Variants in B3GALT1 observed in about 807,000 individuals in gnomAD.
B3GALT1 encodes the protein beta-1,3-galactosyltransferase 1.
B3GALT1 carries 10 observed loss-of-function variants against 23.2 expected under a neutral mutation model. The ratio of observed to expected loss-of-function variants is 0.43; its 90% CI spans 0.27 to 0.73. B3GALT1 has a LOEUF of 0.73. Ranked by LOEUF, B3GALT1 falls within the 30% of genes least tolerant of loss-of-function variation. The pLI is 0.21. For synonymous variants in B3GALT1, 156 were observed against 141.5 expected, an observed-to-expected ratio of 1.10 and a Z score of -0.73; for missense variants, 299 against 405.4, an observed-to-expected ratio of 0.74 and a Z score of 2.25.
intron 1 of B3GALT1, among the ~76,000 whole-genome samples, chr2:167,467,880 G>T (rs1559106442): frequency 6.6e-6 from 1 of 152,162 alleles, no homozygotes; most frequent in Non-Finnish European, 1.5e-5. Context: ...GCGTGTGCCA[G>T]ACACTGTTTA....
chr2:167,346,358 T>C (rs1162902018), intron 1 of B3GALT1, among the ~76,000 whole-genome samples: 2 of 152,302 alleles, frequency 1.3e-5, no homozygotes, highest in African/African-American at 4.8e-5. Flanking sequence ...TGTATATCTA[T>C]TTACAGTATA....
chr2:167,531,358 G>A (rs1319004913), intron 2 of B3GALT1, among the ~76,000 whole-genome samples: 4 of 152,034 alleles, frequency 2.6e-5, no homozygotes, highest in East Asian at 1.9e-4. Context: ...AATGAAGGAC[G>A]GGACTTCTTT....
chr2:167,409,243 T>G (rs1051439774), intron 1 of B3GALT1, among the ~76,000 whole-genome samples: 1 of 152,200 alleles, frequency 6.6e-6, no homozygotes, highest in African/African-American at 2.4e-5. Context: ...GTTGCTCTTC[T>G]CAAGTACTAT....
chr2:167,434,616 A>G (rs574842452), intron 1 of B3GALT1, among the ~76,000 whole-genome samples: 1 of 151,890 alleles, frequency 6.6e-6, no homozygotes, highest in South Asian at 2.1e-4. Flanking sequence ...CCCAGTTTAT[A>G]TGTTCACTTC....
intron 3 of B3GALT1, among the ~76,000 whole-genome samples, chr2:167,680,822 T>C (rs1312561831): frequency 6.6e-6 from 1 of 152,198 alleles, no homozygotes; most frequent in Non-Finnish European, 1.5e-5. Flanking sequence ...ATTTTTATTA[T>C]ACTTCTGATA....
chr2:167,738,878 A>G (rs911403254), intron 3 of B3GALT1, among the ~76,000 whole-genome samples: 5 of 152,198 alleles, frequency 3.3e-5, no homozygotes, highest in Non-Finnish European at 7.4e-5. Flanking sequence ...GATATATTCC[A>G]TTTTCTGACA....
At chr2:167,564,672 C>A (rs558723480) in intron 2 of B3GALT1, among the ~76,000 whole-genome samples, 12 of 152,284 alleles carry the variant, frequency 7.9e-5, no homozygotes, top group African/African-American at 2.9e-4. Flanking sequence ...ACCAGCCCGG[C>A]CAACACAGCG....
intron 1 of B3GALT1, among the ~76,000 whole-genome samples, chr2:167,382,147 C>G (rs940862030): frequency 6.6e-6 from 1 of 152,172 alleles, no homozygotes; most frequent in African/African-American, 2.4e-5. Flanking sequence ...CAAGTCACTT[C>G]TTAATCTCAT....
intron 3 of B3GALT1, among the ~76,000 whole-genome samples, chr2:167,770,405 T>G (rs182551408): frequency 5.3e-4 from 80 of 152,366 alleles, no homozygotes; most frequent in African/African-American, 1.8e-3. Context: ...CTTCCATATA[T>G]TTTCCATTTG....
At chr2:167,653,823 C>G (rs1266539931) in intron 3 of B3GALT1, among the ~76,000 whole-genome samples, 1 of 152,208 alleles carries the variant, frequency 6.6e-6, no homozygotes, top group Admixed American at 6.5e-5. Flanking sequence ...TGGGAGTTCA[C>G]TGGTTGGCTC....
At chr2:167,448,665 G>C (rs754579382) in intron 1 of B3GALT1, among the ~76,000 whole-genome samples, 6 of 151,792 alleles carry the variant, frequency 4.0e-5, no homozygotes, top group Non-Finnish European at 7.4e-5. Context: ...TTTGCTTTTA[G>C]GTTCTTGCCT....
chr2:167,678,201 A>C (rs897305476), intron 3 of B3GALT1, among the ~76,000 whole-genome samples: 10 of 152,112 alleles, frequency 6.6e-5, no homozygotes, highest in African/African-American at 2.4e-4. Flanking sequence ...CCCATTCCAC[A>C]CTATTCTGAC....
intron 4 of B3GALT1, among the ~76,000 whole-genome samples, chr2:167,842,621 C>G (rs1482920693): frequency 6.6e-6 from 1 of 152,074 alleles, no homozygotes; most frequent in African/African-American, 2.4e-5. Context: ...CACCTGTAAT[C>G]CCAGCACTTT....
At chr2:167,716,062 C>T in intron 3 of B3GALT1, 1 of 1,582,196 alleles carries the variant, frequency 6.3e-7, no homozygotes, top group Non-Finnish European at 8.7e-7. Context: ...CCGGGCTCCT[C>T]CATAGCGCCA....
At chr2:167,430,409 T>C (rs1479564964) in intron 1 of B3GALT1, among the ~76,000 whole-genome samples, 1 of 152,156 alleles carries the variant, frequency 6.6e-6, no homozygotes, top group Non-Finnish European at 1.5e-5. Flanking sequence ...AGGCATGATA[T>C]GATCTGACTT....
intron 3 of B3GALT1, among the ~76,000 whole-genome samples, chr2:167,658,274 G>T (rs150745369): frequency 5.9e-5 from 9 of 152,056 alleles, no homozygotes; most frequent in African/African-American, 2.2e-4. Flanking sequence ...GCTATTGAGA[G>T]AATTGAAAAA....
Position 167,512,524 on chromosome 2 carries a change from ATG to A in B3GALT1, c.-410+22257_-410+22258del, listed in dbSNP as rs750563862. On this transcript the variant is annotated intron_variant, in intron 2 of 4. Transcript: ENST00000392690. ...ATTATACATGCATATATACATATATATGTGTGTGTGTATATATATATGTATAT... is the reference window on the plus strand; with the variant it reads ...ATTATACATGCATATATACATATATATGTGTGTGTATATATATATGTATAT... Among the ~76,000 whole-genome samples, 146 of 140,476 alleles carry A rather than the reference ATG, an allele frequency of 1.0e-3. 1 individual carries two copies. Among genetic ancestry groups the A allele is most frequent in the African/African-American group, 3.0e-3 (113 of 37,950 alleles). The allele number at this position is 140,476 out of a possible 152,430, so 92.2% of individuals were successfully genotyped here. A position where few individuals can be genotyped will look rare whatever the true frequency, so the allele number is the denominator to read the frequency against.
At chr2:167,768,792 A>G (rs923298638) in intron 3 of B3GALT1, among the ~76,000 whole-genome samples, 1 of 152,234 alleles carries the variant, frequency 6.6e-6, no homozygotes. Flanking sequence ...CCTAAAGTGT[A>G]TGAGAGACAT....
At chr2:167,306,401 G>C (rs1263608966) in intron 1 of B3GALT1, among the ~76,000 whole-genome samples, 2 of 151,934 alleles carry the variant, frequency 1.3e-5, no homozygotes, top group Non-Finnish European at 2.9e-5. Context: ...TTATAAATAT[G>C]TTGTAAAATG....
Sources: allele counts gnomAD v4.1 joint callset (sites outside exome capture counted in the v4.1 genomes callset), GRCh38; gene constraint gnomAD v4.1.1; transcripts MANE v1.5; gene names NCBI Gene and HGNC (gene_info 2026-07-23, HGNC 2026-07-21).